The following STK11IP variants were observed in gnomAD, a reference collection of about 807,000 sequenced individuals.
STK11IP encodes serine/threonine-protein kinase 11-interacting protein.
In STK11IP, 103 loss-of-function variants were observed where a neutral mutation model predicts 131.7. The ratio of observed to expected loss-of-function variants is 0.78; its 90% CI spans 0.67 to 0.92. The LOEUF is 0.92. STK11IP is among the 40% of genes least tolerant of loss of function. The probability of loss-of-function intolerance (pLI) is 0.00; values close to 1 mark genes in which losing one functional copy is unlikely to be tolerated. For missense variants in STK11IP, 1,315 were observed against 1,385.7 expected, an observed-to-expected ratio of 0.95 and a Z score of 0.81; for synonymous variants, 557 against 575.6, an observed-to-expected ratio of 0.97 and a Z score of 0.46.
Position 219,608,263 on chromosome 2 carries a change from C to G in STK11IP, c.1436C>G (p.Pro479Arg), listed in dbSNP as rs1430055596. Residue 479 changes from proline (P) to arginine (R), a missense_variant, in exon 14 of 25, where the codon CCC becomes CGC. Coordinates refer to ENST00000456909, the MANE Select transcript of STK11IP (RefSeq NM_052902.4). ...PSPPQEEARG[P>R]QESPQKMSEE... The stretch of plus-strand genomic sequence containing the variant: ...CCCCCGCAGGAGGAAGCCAGAGGCC[C>G]CCAGGAGTCACCACAGAAAATGTCA... 1 of 1,613,266 alleles carries G rather than the reference C, an allele frequency of 6.2e-7. No individual in the cohort carries two copies. The highest frequency in any genetic ancestry group is 8.5e-7 in the Non-Finnish European group (1 of 1,179,834).
chr2:219,602,456 C>T lies in STK11IP; in HGVS notation c.439-12C>T. ...GAGGGTGGGGTAATGAAGCACCCAT[C>T]TGTCTGCTCAGGAGCTCCTCTCAGC... On this transcript the variant is annotated splice_polypyrimidine_tract_variant and intron_variant, in intron 5 of 24. Transcript: ENST00000456909. 1 of 1,601,750 alleles carries T rather than the reference C, an allele frequency of 6.2e-7. No individual in the cohort carries two copies. Among genetic ancestry groups the T allele is most frequent in the Non-Finnish European group, 8.5e-7 (1 of 1,169,666 alleles).
chr2:219,600,053 G>GTTTT (rs1559175196), intron 2 of STK11IP, among the ~76,000 whole-genome samples: 1 of 101,572 alleles, frequency 9.8e-6, no homozygotes, highest in African/African-American at 4.3e-5. Flanking sequence ...TTTTTTTTTT[G>GTTTT]TTTTTGTTTT....
chr2:219,612,984 G>C, intron 19 of STK11IP, 144 bp from the exon 20 acceptor site: 1 of 627,018 alleles, frequency 1.6e-6, no homozygotes, highest in Non-Finnish European at 2.9e-6. Context: ...AGAGGCTGTC[G>C]AGTGTGAGGG....
In STK11IP at chr2:219,608,783, C is replaced by T; in HGVS notation, c.1804C>T (p.Pro602Ser). 6.2e-7 allele frequency: 1 copy of T among 1,601,424 alleles called. No individual in the cohort carries two copies. Among genetic ancestry groups the T allele is most frequent in the Non-Finnish European group, 8.5e-7 (1 of 1,174,946 alleles). ...PEAQAQRSPRPTGSDLLPGAP... is the reference protein window; with the variant it reads ...PEAQAQRSPRSTGSDLLPGAP... ...GGCCCAGGCCCAGAGGTCGCCCAGG[C>T]CCACGGTGAGTGGGGCGTGGCAGGG... The change falls in exon 15 of 25, where the codon CCC becomes TCC. Residue 602 changes from proline to serine, a missense_variant. Pro to Ser is a moderately conservative substitution (Grantham distance 74). Coordinates refer to ENST00000456909, the MANE Select transcript of STK11IP (RefSeq NM_052902.4).
In STK11IP at chr2:219,614,556, C is replaced by T. The variant is rs1453579418; in HGVS notation, c.2869+10C>T. ...GCGTTCCTGGTTGAAGGTGAAGCCT[C>T]TGTGCAGCTGATGCTTCCCTGGTCT... is the stretch of plus-strand genomic sequence containing the variant. On this transcript the variant is annotated intron_variant, in intron 23 of 24. Transcript: ENST00000456909. 2 of 1,613,752 alleles carry T rather than the reference C, an allele frequency of 1.2e-6. No individual in the cohort carries two copies. Among genetic ancestry groups the T allele is most frequent in the Admixed American group, 1.7e-5 (1 of 60,030 alleles).
chr2:219,608,147 C>T lies in STK11IP; in HGVS notation c.1320C>T (p.Ser440=), dbSNP rs373827801. Residue 440 remains serine, a synonymous_variant, in exon 14 of 25, where the codon TCC becomes TCT. Coordinates refer to ENST00000456909, the MANE Select transcript of STK11IP (RefSeq NM_052902.4). Reference sequence around the variant, plus strand: ...AGTACAGGAGTCACCTGGAGCCCTCCGGAAACCCTCTGCCGGCCACCCCCA... The same window carrying T: ...AGTACAGGAGTCACCTGGAGCCCTCTGGAAACCCTCTGCCGGCCACCCCCA... ...WLQYRSHLEP[S]GNPLPATPTT... 169 of 1,613,406 alleles carry T rather than the reference C, an allele frequency of 1.0e-4. No homozygotes were observed. The highest frequency in any genetic ancestry group is 3.3e-4 in the Middle Eastern group (2 of 6,008).
At chr2:219,615,005 A>C (rs1574634257) in intron 23 of STK11IP, 89 bp from the exon 24 acceptor site, 1 of 1,468,966 alleles carries the variant, frequency 6.8e-7, no homozygotes, top group Non-Finnish European at 9.1e-7. Context: ...TGTGGTTCAC[A>C]CCTCTTCTCC....
In STK11IP at chr2:219,611,957, C is replaced by A; in HGVS notation, c.2338C>A (p.Pro780Thr). 6.3e-7 allele frequency: 1 copy of A among 1,593,246 alleles called. No individual in the cohort carries two copies. The highest frequency in any genetic ancestry group is 2.3e-5 in the East Asian group (1 of 44,146). Reference protein sequence around the residue: ...DHGSWSLSPPPERCGLRSVDH... With the variant: ...DHGSWSLSPPTERCGLRSVDH... ...TGATGCCCCCTCATTGCCCTCAGCC[C>A]CTGAGCGCTGTGGCCTCCGCTCTGT... is the stretch of plus-strand genomic sequence containing the variant. The change falls in exon 19 of 25, where the codon CCT becomes ACT. Residue 780 changes from proline to threonine, a missense_variant and splice_region_variant. Pro to Thr is a conservative substitution (Grantham distance 38). Transcript: ENST00000456909.
At chr2:219,612,910 G>A in intron 19 of STK11IP, 1 of 546,710 alleles carries the variant, frequency 1.8e-6, no homozygotes, top group Non-Finnish European at 3.3e-6. Context: ...GCGACAGGCA[G>A]GGAAGCCAGC....
chr2:219,609,354 C>A lies in STK11IP; in HGVS notation c.1927-9C>A. ...TGCTCACAGCTGCCTCTGATCCACC[C>A]TCTGTCAGGAGCTGCTTGCCGTGTT... is the stretch of plus-strand genomic sequence containing the variant. On this transcript the variant is annotated splice_polypyrimidine_tract_variant and intron_variant, in intron 16 of 24. Coordinates refer to ENST00000456909, the MANE Select transcript of STK11IP (RefSeq NM_052902.4). 1.2e-6 allele frequency: 2 copies of A among 1,613,168 alleles called. No individual in the cohort carries two copies. Among genetic ancestry groups the A allele is most frequent in the East Asian group, 4.5e-5 (2 of 44,862 alleles).
intron 8 of STK11IP, 87 bp downstream of exon 8, chr2:219,605,821 G>T: frequency 1.3e-6 from 2 of 1,525,400 alleles, no homozygotes; most frequent in Non-Finnish European, 8.9e-7. Context: ...TGCCTCTAGA[G>T]CCTTGAGAGG....
chr2:219,605,796 G>T, intron 8 of STK11IP, 62 bp downstream of exon 8: 1 of 1,561,778 alleles, frequency 6.4e-7, no homozygotes, highest in South Asian at 1.2e-5. Context: ...GGCTGGGGCT[G>T]GCCTGGGGAC....
In STK11IP at chr2:219,609,185, TG is replaced by T; in HGVS notation, c.1900del (p.Glu634SerfsTer15). 1.2e-6 allele frequency: 2 copies of T among 1,608,472 alleles called. No homozygotes were observed. Among genetic ancestry groups the T allele is most frequent in the Non-Finnish European group, 1.7e-6 (2 of 1,177,580 alleles). On this transcript the variant is annotated frameshift_variant, in exon 16 of 25. Coordinates refer to ENST00000456909, the MANE Select transcript of STK11IP (RefSeq NM_052902.4). LOFTEE classifies it high-confidence loss of function. The part of the protein sequence containing the change: ...PDRQLRRYLV[L>X]EPDAHAAVQE... ...CGGCAGTTGCGTCGCTATTTGGTGC[TG>T]GAGCCTGATGCCCACGCAGCTGTCC...
chr2:219,605,018 C>T (rs751823079), intron 7 of STK11IP, among the ~76,000 whole-genome samples: 21 of 152,114 alleles, frequency 1.4e-4, no homozygotes, highest in Non-Finnish European at 2.5e-4. Context: ...TTAGTAGAGA[C>T]GGGGTTTCAC....
At chr2:219,601,120 A>G in intron 2 of STK11IP, 115 bp from the exon 3 acceptor site, 1 of 781,222 alleles carries the variant, frequency 1.3e-6, no homozygotes, top group Non-Finnish European at 2.0e-6. Flanking sequence ...TGATCCTGCA[A>G]TAGAAGATCT....
At position 219,608,300 on chromosome 2, in the gene STK11IP, G is replaced by A; in HGVS notation, c.1473G>A (p.Arg491=). The change falls in exon 14 of 25, where the codon AGG becomes AGA. Residue 491 remains arginine (R), a synonymous_variant. Coordinates refer to ENST00000456909, the MANE Select transcript of STK11IP (RefSeq NM_052902.4). Reference sequence around the variant, plus strand: ...CACAGAAAATGTCAGAGGAGGTCAGGGCGGAGCCACAGGAGGAGGAAGAGG... The same window carrying A: ...CACAGAAAATGTCAGAGGAGGTCAGAGCGGAGCCACAGGAGGAGGAAGAGG... ...ESPQKMSEEV[R]AEPQEEEEEK... is the part of the protein sequence containing the mutation. 1 of 1,610,878 alleles carries A rather than the reference G, an allele frequency of 6.2e-7. No homozygotes were observed.
Position 219,601,711 on chromosome 2 carries a change from T to G in STK11IP, c.338T>G (p.Leu113Arg). Residue 113 changes from leucine (L) to arginine (R), a missense_variant, in exon 4 of 25, where the codon CTG (leucine) becomes CGG (arginine). Transcript: ENST00000456909. ...TTCCCCTTCAAATCCCTTCGGCACC[T>G]GGAGGTATGGGGACACGGGGGGATG... ...KIFPFKSLRH[L>R]ELRGVPLHCL... The G allele has an allele frequency of 6.3e-7, 1 of 1,599,390 alleles. No homozygotes were observed. The highest frequency in any genetic ancestry group is 8.5e-7 in the Non-Finnish European group (1 of 1,172,576).
chr2:219,600,055 T>G (rs1383940591), intron 2 of STK11IP, among the ~76,000 whole-genome samples: 11 of 138,246 alleles, frequency 8.0e-5, no homozygotes, highest in Admixed American at 2.1e-4. Flanking sequence ...TTTTTTTTGT[T>G]TTTGTTTTTT....
rs1698184820 is a variant in STK11IP at position 219,606,866 on chromosome 2, G to T, written c.1134+8G>T. 1.2e-6 allele frequency: 2 copies of T among 1,605,486 alleles called. No homozygotes were observed. The highest frequency in any genetic ancestry group is 2.7e-5 in the African/African-American group (2 of 74,886). ...CTGCTTCATAAGGTTAAGGTAAGCAGCGTCCTCCGCTGCCTTGTGCCTGCG... is the reference window on the plus strand; with the variant it reads ...CTGCTTCATAAGGTTAAGGTAAGCATCGTCCTCCGCTGCCTTGTGCCTGCG... On this transcript the variant is annotated splice_region_variant and intron_variant, in intron 12 of 24. Transcript: ENST00000456909.
Sources: allele counts gnomAD v4.1 joint callset (sites outside exome capture counted in the v4.1 genomes callset), GRCh38; gene constraint gnomAD v4.1.1; transcripts MANE v1.5; gene names NCBI Gene and HGNC (gene_info 2026-07-23, HGNC 2026-07-21).